The following HMCN1 variants were observed in gnomAD, a reference collection of about 807,000 sequenced individuals.
The protein encoded by HMCN1 is hemicentin-1.
Under a neutral mutation model 625.9 loss-of-function variants are expected in HMCN1, and 321 were observed. The ratio of observed to expected loss-of-function variants is 0.51; its 90% confidence interval spans 0.47 to 0.56. The LOEUF (loss-of-function observed/expected upper bound fraction) is 0.56, where lower values mean the gene tolerates loss of function less well. Ranked by LOEUF, HMCN1 falls within the 20% of genes least tolerant of loss-of-function variation. The probability of loss-of-function intolerance (pLI) is 0.00; values close to 1 mark genes in which losing one functional copy is unlikely to be tolerated. For synonymous variants in HMCN1, 2,425 were observed against 2,417.6 expected (o/e 1.00, Z -0.09); for missense variants, 6,588 against 6,887.3 (o/e 0.96, Z 1.54).
chr1:186,159,443 C>T (rs1251962453), intron 97 of HMCN1, among the ~76,000 whole-genome samples: 8 of 152,062 alleles, frequency 5.3e-5, no homozygotes, highest in Admixed American at 3.3e-4. Flanking sequence ...CTGGCCAGAA[C>T]TTCCAACACT....
intron 2 of HMCN1, among the ~76,000 whole-genome samples, chr1:185,862,597 G>A (rs888438771): frequency 6.6e-6 from 1 of 152,172 alleles, no homozygotes; most frequent in African/African-American, 2.4e-5. Flanking sequence ...AATTGAAAAT[G>A]TAAAATTAGA....
chr1:186,149,541 C>A (rs1161233959), intron 93 of HMCN1, among the ~76,000 whole-genome samples: 1 of 152,128 alleles, frequency 6.6e-6, no homozygotes, highest in African/African-American at 2.4e-5. Context: ...CAGATTTTCT[C>A]CATATAAAAA....
At chr1:185,864,692 C>A in intron 3 of HMCN1, 64 bp downstream of exon 3, 3 of 1,432,318 alleles carry the variant, frequency 2.1e-6, no homozygotes, top group Non-Finnish European at 2.9e-6. Context: ...TGCCTGTCCT[C>A]TTTGACTCTT....
intron 80 of HMCN1, 141 bp from the exon 81 acceptor site, chr1:186,122,810 G>T (rs1268414852): frequency 3.4e-6 from 3 of 877,304 alleles, no homozygotes; most frequent in Middle Eastern, 3.5e-4. Flanking sequence ...ATGAAAAAAT[G>T]TAGTGCTCCT....
At chr1:185,762,038 T>A (rs1236456042) in intron 1 of HMCN1, among the ~76,000 whole-genome samples, 2 of 152,160 alleles carry the variant, frequency 1.3e-5, no homozygotes, top group Admixed American at 1.3e-4. Context: ...GCTTTACCAG[T>A]TCAGGAAGAA....
chr1:185,990,180 A>T, intron 21 of HMCN1, 95 bp from the exon 22 acceptor site: 2 of 1,052,212 alleles, frequency 1.9e-6, no homozygotes, highest in South Asian at 2.5e-5. Context: ...TTTATAAATT[A>T]CTTAAGAACA....
At chr1:186,154,770 A>G (rs758544409) in intron 97 of HMCN1, among the ~76,000 whole-genome samples, 20 of 152,118 alleles carry the variant, frequency 1.3e-4, no homozygotes, top group Admixed American at 1.2e-3. Flanking sequence ...GGAAGTTATA[A>G]TTTTTTAACT....
At chr1:185,858,254 C>T (rs1662597555) in intron 2 of HMCN1, among the ~76,000 whole-genome samples, 1 of 152,048 alleles carries the variant, frequency 6.6e-6, no homozygotes, top group African/African-American at 2.4e-5. Context: ...GGTAAAGTGT[C>T]TTATTACCGA....
chr1:185,932,127 A>G (rs1408903409), intron 10 of HMCN1, among the ~76,000 whole-genome samples: 1 of 152,182 alleles, frequency 6.6e-6, no homozygotes, highest in Non-Finnish European at 1.5e-5. Context: ...CCAGACTCCA[A>G]TCAAAGCTTC....
chr1:185,954,273 A>C (rs1465548566), intron 11 of HMCN1, among the ~76,000 whole-genome samples: 1 of 152,220 alleles, frequency 6.6e-6, no homozygotes, highest in African/African-American at 2.4e-5. Context: ...ATGTTTTCAG[A>C]AATATAAATT....
At chr1:185,832,788 A>T (rs1352954401) in intron 1 of HMCN1, among the ~76,000 whole-genome samples, 3 of 152,206 alleles carry the variant, frequency 2.0e-5, no homozygotes, top group Admixed American at 6.5e-5. Flanking sequence ...AAAGAAAGCT[A>T]TTTCTGCATG....
In HMCN1 at chr1:186,038,868, C is replaced by T. The variant is rs768770768; in HGVS notation, c.5891C>T (p.Ser1964Phe). 12 of 1,604,070 alleles carry T rather than the reference C, an allele frequency of 7.5e-6. 1 individual carries two copies. In the South Asian group the frequency reaches 1.1e-4, roughly 15 times the overall value. ...AAAGATAATCGTCTACTCTCAGGTT[C>T]CACCAGCATGACTTTCTTGAACAGA... ...WYKDNRLLSG[S>F]TSMTFLNRGQ... Residue 1964 changes from serine (S) to phenylalanine (F), a missense_variant, in exon 38 of 107, where the codon TCC becomes TTC. Ser to Phe is a radical substitution (Grantham distance 155). Coordinates refer to ENST00000271588, the MANE Select transcript of HMCN1 (RefSeq NM_031935.3).
intron 1 of HMCN1, among the ~76,000 whole-genome samples, chr1:185,820,518 G>T (rs1209624989): frequency 6.6e-6 from 1 of 152,124 alleles, no homozygotes; most frequent in Admixed American, 6.6e-5. Context: ...ATAGAAGTAA[G>T]TGAAAGACAT....
chr1:185,879,688 G>C (rs1664172767), intron 4 of HMCN1, among the ~76,000 whole-genome samples: 1 of 152,170 alleles, frequency 6.6e-6, no homozygotes, highest in Non-Finnish European at 1.5e-5. Flanking sequence ...TGAGTAAAGA[G>C]GCTGGAGGAT....
chr1:186,070,875 C>A, intron 52 of HMCN1, 118 bp downstream of exon 52: 4 of 1,015,248 alleles, frequency 3.9e-6, no homozygotes, highest in Non-Finnish European at 3.0e-6. Context: ...TTAAAACTAG[C>A]AAATGCCATG....
chr1:185,931,134 T>C (rs993684028), intron 10 of HMCN1, among the ~76,000 whole-genome samples: 2 of 152,118 alleles, frequency 1.3e-5, no homozygotes, highest in African/African-American at 4.8e-5. Flanking sequence ...AAGTGACCCA[T>C]TTATGATCAA....
At chr1:185,946,149 C>A (rs573360425) in intron 11 of HMCN1, among the ~76,000 whole-genome samples, 1 of 152,130 alleles carries the variant, frequency 6.6e-6, no homozygotes, top group Admixed American at 6.5e-5. Context: ...CCAAGGCAAG[C>A]GTTCTTCCAG....
intron 6 of HMCN1, 103 bp from the exon 7 acceptor site, chr1:185,922,276 C>G (rs567658993): frequency 4.6e-6 from 6 of 1,299,780 alleles, no homozygotes; most frequent in African/African-American, 1.5e-5. Context: ...TTTTGGACAT[C>G]GATCCTAATT....
intron 11 of HMCN1, among the ~76,000 whole-genome samples, chr1:185,935,267 A>G (rs932915314): frequency 4.0e-5 from 6 of 151,436 alleles, no homozygotes; most frequent in African/African-American, 1.5e-4. Context: ...GCATTAGAGC[A>G]GTGATTCTCA....
Sources: allele counts gnomAD v4.1 joint callset (sites outside exome capture counted in the v4.1 genomes callset), GRCh38; gene constraint gnomAD v4.1.1; transcripts MANE v1.5; gene names NCBI Gene and HGNC (gene_info 2026-07-23, HGNC 2026-07-21).